Variants in SPATA16 observed in about 807,000 individuals in gnomAD.
The protein encoded by SPATA16 is spermatogenesis associated 16, also known as spermatogenesis-associated protein 16.
A neutral mutation model predicts 63.3 loss-of-function variants in SPATA16; 36 were observed. That is an observed-to-expected ratio of 0.57 (90% CI 0.44 to 0.75). The LOEUF (loss-of-function observed/expected upper bound fraction) is 0.75, where lower values mean the gene tolerates loss of function less well. Among genes scored for constraint, SPATA16 ranks in the 30% least tolerant of loss-of-function variants. The pLI is 0.00. For synonymous variants in SPATA16, 203 were observed against 216.7 expected (o/e 0.94, Z 0.56); for missense variants, 646 against 679.3 (o/e 0.95, Z 0.54).
At chr3:172,956,601 T>C in intron 6 of SPATA16, 76 bp downstream of exon 6, 1 of 1,514,238 alleles carries the variant, frequency 6.6e-7, no homozygotes, top group Non-Finnish European at 9.0e-7. Context: ...AATAAACTAA[T>C]AAACCAGAAA....
At chr3:172,982,955 A>G (rs750747359) in intron 4 of SPATA16, among the ~76,000 whole-genome samples, 5 of 152,218 alleles carry the variant, frequency 3.3e-5, no homozygotes, top group Non-Finnish European at 7.3e-5. Context: ...CACAGCACAC[A>G]ATCAGCTGTG....
At chr3:173,016,116 C>A (rs1735181264) in intron 4 of SPATA16, among the ~76,000 whole-genome samples, 1 of 152,136 alleles carries the variant, frequency 6.6e-6, no homozygotes, top group South Asian at 2.1e-4. Flanking sequence ...TTAACCAGTG[C>A]CAGCCATCTC....
In SPATA16 at chr3:173,101,024, T is replaced by C. The variant is rs529663328; in HGVS notation, c.612+16096A>G. 1.4e-3 allele frequency among the ~76,000 whole-genome samples: 207 copies of C among 152,272 alleles called. 1 individual carries two copies. The highest frequency in any genetic ancestry group is 4.8e-3 in the African/African-American group (198 of 41,564). On this transcript the variant is annotated intron_variant, in intron 2 of 10. Coordinates refer to ENST00000351008, the MANE Select transcript of SPATA16 (RefSeq NM_031955.6). ...GTTTTCTATTAGTGCTGCATGTACA[T>C]AGGAAAAATGATGCAGGAGAGGTGT...
intron 6 of SPATA16, among the ~76,000 whole-genome samples, chr3:172,931,701 G>C (rs1250524243): frequency 6.6e-6 from 1 of 152,146 alleles, no homozygotes. Flanking sequence ...AATATCTAGA[G>C]CTTCTGAGAT....
intron 7 of SPATA16, among the ~76,000 whole-genome samples, chr3:172,924,944 A>C (rs1732693835): frequency 6.6e-6 from 1 of 152,254 alleles, no homozygotes; most frequent in Non-Finnish European, 1.5e-5. Flanking sequence ...ATTACATAAG[A>C]AAAGCGGGGA....
Position 173,048,813 on chromosome 3 carries a change from A to T in SPATA16, c.758+136T>A, listed in dbSNP as rs1560106602. The T allele has an allele frequency of 2.7e-6, 3 of 1,129,420 alleles. No individual in the cohort carries two copies. In the East Asian group the frequency reaches 7.5e-5, roughly 28 times the overall value. The allele number at this position is 1,129,420 out of a possible 1,614,324, so 70.0% of individuals were successfully genotyped here. A position where few individuals can be genotyped will look rare whatever the true frequency, so the allele number is the denominator to read the frequency against. ...GTGGTCTCCATGATTGCCTCACTTG[A>T]CATAAAACAAGCAGTAAATAAATGT... is the stretch of plus-strand genomic sequence containing the variant. On this transcript the variant is annotated intron_variant, in intron 3 of 10. Transcript: ENST00000351008.
At chr3:172,999,874 A>G (rs1361054507) in intron 4 of SPATA16, among the ~76,000 whole-genome samples, 1 of 152,148 alleles carries the variant, frequency 6.6e-6, no homozygotes, top group African/African-American at 2.4e-5. Context: ...GATTTTCTCT[A>G]TTCATATCTT....
chr3:173,016,656 ACATAAAATACTTGTAAGAGG>A (rs1735195597), intron 4 of SPATA16, among the ~76,000 whole-genome samples: 1 of 152,204 alleles, frequency 6.6e-6, no homozygotes, highest in African/African-American at 2.4e-5. Context: ...ATGAATTTTG[ACATAAAATACTTGTAAGAGG>A]CCTGAATCAA....
chr3:173,019,718 C>G, intron 3 of SPATA16, 143 bp from the exon 4 acceptor site: 4 of 726,366 alleles, frequency 5.5e-6, no homozygotes, highest in Non-Finnish European at 9.4e-6. Context: ...CTTCCCCGCC[C>G]CCCGTAATTG....
intron 8 of SPATA16, among the ~76,000 whole-genome samples, chr3:172,923,338 G>C (rs1206900865): frequency 6.6e-6 from 1 of 152,218 alleles, no homozygotes; most frequent in Non-Finnish European, 1.5e-5. Flanking sequence ...CGTGCAAACA[G>C]ATTAGGTGTT....
chr3:172,898,481 G>A (rs1428908207), intron 10 of SPATA16, among the ~76,000 whole-genome samples: 1 of 151,992 alleles, frequency 6.6e-6, no homozygotes, highest in Non-Finnish European at 1.5e-5. Flanking sequence ...ATTTATCAAA[G>A]TTGTCAAATT....
intron 5 of SPATA16, among the ~76,000 whole-genome samples, chr3:172,966,616 T>C (rs932678204): frequency 6.6e-6 from 1 of 152,158 alleles, no homozygotes; most frequent in African/African-American, 2.4e-5. Flanking sequence ...GAGAAAATTA[T>C]CATGAAAAAG....
At chr3:173,107,766 G>C (rs1173651591) in intron 2 of SPATA16, among the ~76,000 whole-genome samples, 1 of 152,044 alleles carries the variant, frequency 6.6e-6, no homozygotes, top group African/African-American at 2.4e-5. Context: ...GCTGGAATGG[G>C]GTCCGTAACA....
chr3:173,074,084 G>A (rs1225272195), intron 2 of SPATA16, among the ~76,000 whole-genome samples: 3 of 152,190 alleles, frequency 2.0e-5, no homozygotes, highest in Admixed American at 1.3e-4. Context: ...CTTCCACTTG[G>A]AATGGGTGTA....
In SPATA16 at chr3:172,944,073, A is replaced by C. The variant is rs555529757; in HGVS notation, c.1081+12604T>G. On this transcript the variant is annotated intron_variant, in intron 6 of 10. Transcript: ENST00000351008. ...GTCATGGAAATGCAGTGAAAAGGCA[A>C]CCTATAGAATGGGAGGAAATATTTG... Among the ~76,000 whole-genome samples, 5 of 152,354 alleles carry C rather than the reference A, an allele frequency of 3.3e-5. No individual in the cohort carries two copies. In the South Asian group the frequency reaches 1.0e-3, roughly 32 times the overall value.
intron 2 of SPATA16, among the ~76,000 whole-genome samples, chr3:173,101,330 A>G (rs1737489008): frequency 6.6e-6 from 1 of 152,168 alleles, no homozygotes; most frequent in Admixed American, 6.5e-5. Context: ...GCTCACTGTC[A>G]TGTACAGGGC....
chr3:172,897,522 C>T (rs1253187825), intron 10 of SPATA16, among the ~76,000 whole-genome samples: 4 of 152,090 alleles, frequency 2.6e-5, no homozygotes, highest in Non-Finnish European at 5.9e-5. Context: ...TAGATTCACA[C>T]CAAAGTATTT....
At chr3:173,066,137 A>G (rs764128948) in intron 2 of SPATA16, among the ~76,000 whole-genome samples, 15 of 152,030 alleles carry the variant, frequency 9.9e-5, no homozygotes, top group South Asian at 6.2e-4. Context: ...CAGCCACAGT[A>G]AAATAGAGCA....
At chr3:173,128,205 C>CAA (rs1300860240) in intron 1 of SPATA16, among the ~76,000 whole-genome samples, 1 of 152,072 alleles carries the variant, frequency 6.6e-6, no homozygotes, top group Non-Finnish European at 1.5e-5. Flanking sequence ...TAAAGTAAAT[C>CAA]AAAATTCATT....
Sources: allele counts gnomAD v4.1 joint callset (sites outside exome capture counted in the v4.1 genomes callset), GRCh38; gene constraint gnomAD v4.1.1; transcripts MANE v1.5; gene names NCBI Gene and HGNC (gene_info 2026-07-23, HGNC 2026-07-21).